FMN1: variants seen among roughly 807,000 people sequenced by gnomAD.
The protein encoded by FMN1 is formin 1.
In FMN1, 110 loss-of-function variants were observed where a neutral mutation model predicts 132.4. The observed-to-expected ratio is 0.83, with a 90% CI of 0.71 to 0.97. The LOEUF is 0.97. FMN1 is among the 50% of genes least tolerant of loss of function. The pLI, the probability that FMN1 is intolerant of heterozygous loss-of-function variation, is 0.00. For missense variants in FMN1, 1,792 were observed against 1,705.3 expected, an observed-to-expected ratio of 1.05 and a Z score of -0.90; for synonymous variants, 722 against 651.7, an observed-to-expected ratio of 1.11 and a Z score of -1.64.
At chr15:32,909,132 G>T (rs969433305) in intron 11 of FMN1, among the ~76,000 whole-genome samples, 1 of 152,178 alleles carries the variant, frequency 6.6e-6, no homozygotes, top group Non-Finnish European at 1.5e-5. Flanking sequence ...TATCTCTACT[G>T]TGAGCTAACA....
At chr15:33,036,703 G>A (rs1335246870) in intron 6 of FMN1, among the ~76,000 whole-genome samples, 1 of 152,130 alleles carries the variant, frequency 6.6e-6, no homozygotes, top group Admixed American at 6.5e-5. Flanking sequence ...ACTTCACAGG[G>A]TTATAATAAG....
At chr15:32,954,328 T>C (rs1048731037) in intron 9 of FMN1, among the ~76,000 whole-genome samples, 3 of 152,202 alleles carry the variant, frequency 2.0e-5, no homozygotes. Flanking sequence ...GCTCTATCCA[T>C]CTGATTAGGC....
chr15:32,896,507 G>A (rs978750006), intron 15 of FMN1, among the ~76,000 whole-genome samples: 1 of 152,052 alleles, frequency 6.6e-6, no homozygotes. Flanking sequence ...TTAGCCATGT[G>A]TATTATTGTA....
At chr15:32,847,061 A>G (rs764374608) in intron 17 of FMN1, among the ~76,000 whole-genome samples, 23 of 152,220 alleles carry the variant, frequency 1.5e-4, no homozygotes, top group Non-Finnish European at 5.9e-5. Flanking sequence ...TTGCAGCTCC[A>G]GAGTCTCATC....
intron 7 of FMN1, among the ~76,000 whole-genome samples, chr15:32,972,214 C>T (rs2031851925): frequency 6.6e-6 from 1 of 152,206 alleles, no homozygotes; most frequent in Admixed American, 6.5e-5. Flanking sequence ...CCAGTGGCCC[C>T]ATTAGCTTGC....
At chr15:33,139,354 T>C (rs998394520) in intron 4 of FMN1, among the ~76,000 whole-genome samples, 23 of 152,194 alleles carry the variant, frequency 1.5e-4, no homozygotes, top group Non-Finnish European at 2.5e-4. Flanking sequence ...CTCAGCACTT[T>C]GGGAGGCCGA....
chr15:33,039,448 A>T, intron 6 of FMN1, among the ~76,000 whole-genome samples: 1 of 152,202 alleles, frequency 6.6e-6, no homozygotes, highest in East Asian at 1.9e-4. Flanking sequence ...ATAATAGGTT[A>T]TTGAGGAAAC....
At chr15:32,884,098 G>C (rs890767456) in intron 16 of FMN1, among the ~76,000 whole-genome samples, 4 of 150,026 alleles carry the variant, frequency 2.7e-5, no homozygotes, top group Admixed American at 2.0e-4. Context: ...CAATCAGAAA[G>C]AAGAGTCCAC....
At chr15:32,888,325 C>G (rs767385739) in intron 15 of FMN1, 33 bp from the exon 16 acceptor site, 8 of 1,542,756 alleles carry the variant, frequency 5.2e-6, no homozygotes, top group Non-Finnish European at 7.0e-6. Context: ...GTACATTATA[C>G]TTCCCAATTG....
At chr15:32,828,687 C>A (rs2058430657) in intron 17 of FMN1, among the ~76,000 whole-genome samples, 1 of 152,194 alleles carries the variant, frequency 6.6e-6, no homozygotes, top group Admixed American at 6.5e-5. Context: ...AAAATATTGT[C>A]ACGACTCAGA....
chr15:32,860,016 T>A (rs1351244591), intron 16 of FMN1, among the ~76,000 whole-genome samples: 2 of 148,254 alleles, frequency 1.3e-5, no homozygotes, highest in Non-Finnish European at 3.0e-5. Flanking sequence ...GGTGATAGAG[T>A]GAGACAGACA....
intron 6 of FMN1, among the ~76,000 whole-genome samples, chr15:33,045,526 C>G (rs980187218): frequency 3.9e-5 from 6 of 152,214 alleles, no homozygotes; most frequent in Non-Finnish European, 8.8e-5. Flanking sequence ...TAAGTTGCCT[C>G]TTGGATTTCA....
chr15:33,046,060 T>C (rs1330812873), intron 6 of FMN1, among the ~76,000 whole-genome samples: 2 of 152,134 alleles, frequency 1.3e-5, no homozygotes, highest in Non-Finnish European at 2.9e-5. Context: ...AGCTAAGATT[T>C]TAATTTATTA....
At chr15:32,976,905 T>C (rs2032253848) in intron 7 of FMN1, among the ~76,000 whole-genome samples, 1 of 152,210 alleles carries the variant, frequency 6.6e-6, no homozygotes, top group African/African-American at 2.4e-5. Context: ...TTCCAGGCAC[T>C]ATGCTAGCCT....
At chr15:33,019,731 C>T (rs981610683) in intron 6 of FMN1, among the ~76,000 whole-genome samples, 12 of 152,244 alleles carry the variant, frequency 7.9e-5, no homozygotes, top group Admixed American at 5.9e-4. Flanking sequence ...AGTGCTAAGC[C>T]CCTCACTGCC....
intron 3 of FMN1, among the ~76,000 whole-genome samples, chr15:33,169,469 G>A (rs1031562160): frequency 9.9e-5 from 15 of 152,000 alleles, no homozygotes; most frequent in African/African-American, 3.1e-4. Flanking sequence ...AAATTCAAAC[G>A]GAATTTTGAG....
intron 9 of FMN1, among the ~76,000 whole-genome samples, chr15:32,936,700 G>A (rs908181843): frequency 6.6e-6 from 1 of 151,720 alleles, no homozygotes; most frequent in South Asian, 2.1e-4. Context: ...GGAAGGAGAA[G>A]AAAGAAGGAA....
chr15:33,168,788 G>C (rs143141318), intron 3 of FMN1, among the ~76,000 whole-genome samples: 2 of 152,262 alleles, frequency 1.3e-5, no homozygotes, highest in Non-Finnish European at 2.9e-5. Context: ...ATCTAAACCA[G>C]ATCTAACTAG....
intron 16 of FMN1, among the ~76,000 whole-genome samples, chr15:32,883,218 G>T (rs1378569406): frequency 6.6e-6 from 1 of 152,152 alleles, no homozygotes; most frequent in Non-Finnish European, 1.5e-5. Flanking sequence ...TCAAGGGTAA[G>T]ATCAGGTCCA....
Sources: gnomAD v4.1 joint callset for allele counts (sites outside exome capture counted in the v4.1 genomes callset) on GRCh38, gnomAD v4.1.1 for gene constraint, MANE v1.5 for transcripts, NCBI Gene and HGNC (gene_info 2026-07-23, HGNC 2026-07-21) for gene names.